Variants in FECH observed in about 807,000 individuals in gnomAD.
The protein encoded by FECH is ferrochelatase, also known as ferrochelatase, mitochondrial.
Under a neutral mutation model 56.9 loss-of-function variants are expected in FECH, and 40 were observed. The ratio of observed to expected loss-of-function variants is 0.70; its 90% CI spans 0.55 to 0.92. The LOEUF (loss-of-function observed/expected upper bound fraction) is 0.92. Ranked by LOEUF, FECH falls within the 40% of genes least tolerant of loss-of-function variation. The pLI is 0.00. For missense variants in FECH, 431 were observed against 529.1 expected (o/e 0.81, Z 1.82); for synonymous variants, 175 against 198.6 (o/e 0.88, Z 1.00).
intron 9 of FECH, among the ~76,000 whole-genome samples, chr18:57,552,315 G>A (rs973391514): frequency 2.2e-4 from 34 of 152,100 alleles, no homozygotes; most frequent in Middle Eastern, 6.8e-3. Flanking sequence ...ATTTACTCAG[G>A]TAGTTAGGAT....
chr18:57,571,242 G>A, intron 4 of FECH, 150 bp downstream of exon 4: 1 of 788,972 alleles, frequency 1.3e-6, no homozygotes, highest in Non-Finnish European at 2.1e-6. Flanking sequence ...AACGCCTGGA[G>A]ACCTAAATTA....
chr18:57,573,602 T>G (rs1005347115), intron 2 of FECH, among the ~76,000 whole-genome samples: 3 of 152,218 alleles, frequency 2.0e-5, no homozygotes, highest in Admixed American at 6.5e-5. Flanking sequence ...CAGTCTTCAC[T>G]CCGCTAGAAA....
In FECH at chr18:57,586,680, GC is replaced by G; in HGVS notation, c.-61del. 2 of 1,431,054 alleles carry G rather than the reference GC, an allele frequency of 1.4e-6. No homozygotes were observed. Among genetic ancestry groups the G allele is most frequent in the South Asian group, 2.6e-5 (2 of 76,714 alleles). The allele number at this position is 1,431,054 out of a possible 1,614,324, so 88.6% of individuals were successfully genotyped here. A position where few individuals can be genotyped will look rare whatever the true frequency, so the allele number is the denominator to read the frequency against. Reference sequence around the variant, plus strand: ...CCCGCGGCGGCGCGCCCAGGTGTCCGCCCAGCAGTGGCCGAGCCGGGTAGCG... The same window carrying G: ...CCCGCGGCGGCGCGCCCAGGTGTCCGCCAGCAGTGGCCGAGCCGGGTAGCG... On this transcript the variant is annotated 5_prime_UTR_variant, in exon 1 of 11. Coordinates refer to ENST00000262093, the MANE Select transcript of FECH (RefSeq NM_000140.5).
rs535431963 is a variant in FECH, at chr18:57,545,312, C to T, written c.*5400G>A. ...ATGGCCTACTGTAGCCTAATTTAGC[C>T]AATAGCTGTTATTCTAAAAATGGAA... On this transcript the variant is annotated 3_prime_UTR_variant, in exon 11 of 11. Coordinates refer to ENST00000262093, the MANE Select transcript of FECH (RefSeq NM_000140.5). 6.6e-6 allele frequency among the ~76,000 whole-genome samples: 1 copy of T among 152,266 alleles called. No individual in the cohort carries two copies. The highest frequency in any genetic ancestry group is 1.9e-4 in the East Asian group (1 of 5,180).
chr18:57,572,514 A>C (rs1425772148), intron 3 of FECH, among the ~76,000 whole-genome samples: 39 of 11,550 alleles, frequency 3.4e-3, no homozygotes, highest in Admixed American at 5.3e-3. Flanking sequence ...ATACGTATGT[A>C]AAAAAAAAAA....
chr18:57,573,438 C>A, intron 2 of FECH, 73 bp from the exon 3 acceptor site: 1 of 1,544,378 alleles, frequency 6.5e-7, no homozygotes, highest in Non-Finnish European at 8.9e-7. Flanking sequence ...CTTGGTTCAG[C>A]CAGCAAACTC....
Position 57,586,556 on chromosome 18 carries a change from G to T in FECH, c.65C>A (p.Pro22Gln), listed in dbSNP as rs1377509515. The T allele has an allele frequency of 3.9e-6, 6 of 1,521,876 alleles. No homozygotes were observed. The highest frequency in any genetic ancestry group is 5.3e-6 in the Non-Finnish European group (6 of 1,141,322). The allele number at this position is 1,521,876 out of a possible 1,614,324, so 94.3% of individuals were successfully genotyped here. A position where few individuals can be genotyped will look rare whatever the true frequency, so the allele number is the denominator to read the frequency against. The stretch of plus-strand genomic sequence containing the variant: ...GCCGCCGCGACAGACCCACTTACGC[G>T]GATCGCGGAGCAGGACGCCCGCGGC... ...LRAAGVLLRD[P>Q]LASSSWRVCQ... The change falls in exon 1 of 11, where the codon CCG becomes CAG. Residue 22 changes from proline to glutamine, a missense_variant and splice_region_variant. By Grantham distance (76) the Pro-to-Gln change is moderately conservative (BLOSUM62 -1). Transcript: ENST00000262093.
At position 57,545,262 on chromosome 18, in the gene FECH, GT is replaced by G. The variant is rs1192934092; in HGVS notation, c.*5449del. On this transcript the variant is annotated 3_prime_UTR_variant, in exon 11 of 11. Transcript: ENST00000262093. The stretch of plus-strand genomic sequence containing the variant: ...TCAAAGCAGGCTTTTTTCCAAAAAT[GT>G]TTTTAATTCCAACATCCATCTTAAT... 2.0e-5 allele frequency among the ~76,000 whole-genome samples: 3 copies of G among 152,154 alleles called. No individual in the cohort carries two copies. Among genetic ancestry groups the G allele is most frequent in the Non-Finnish European group, 4.4e-5 (3 of 68,010 alleles).
chr18:57,579,246 A>T (rs1234512352), intron 2 of FECH, among the ~76,000 whole-genome samples: 1 of 85,036 alleles, frequency 1.2e-5, no homozygotes, highest in East Asian at 2.0e-4. Context: ...AGACTCTCTC[A>T]AAAAAAAAAA....
At chr18:57,579,348 A>G (rs8095390) in intron 2 of FECH, among the ~76,000 whole-genome samples, 45,601 of 150,590 alleles carry the variant, frequency 0.3, 7,250 homozygotes, top group Non-Finnish European at 0.33. Flanking sequence ...TCATCAAACA[A>G]TGTGTGATCT....
chr18:57,553,240 A>G (rs891293238), intron 9 of FECH, among the ~76,000 whole-genome samples: 2 of 147,706 alleles, frequency 1.4e-5, no homozygotes, highest in African/African-American at 2.5e-5. Context: ...TTTCTTAGCC[A>G]ATTACAACTT....
At chr18:57,569,652 G>T (rs1201309185) in intron 4 of FECH, among the ~76,000 whole-genome samples, 1 of 151,944 alleles carries the variant, frequency 6.6e-6, no homozygotes, top group East Asian at 1.9e-4. Flanking sequence ...TTAACTCCTG[G>T]GCTCAAGCAA....
At chr18:57,564,424 A>C (rs2050990282) in intron 5 of FECH, among the ~76,000 whole-genome samples, 1 of 152,170 alleles carries the variant, frequency 6.6e-6, no homozygotes, top group Non-Finnish European at 1.5e-5. Context: ...AATCCTATGA[A>C]ACCAAGTCTA....
At chr18:57,585,117 C>A (rs1393915912) in intron 1 of FECH, among the ~76,000 whole-genome samples, 1 of 151,788 alleles carries the variant, frequency 6.6e-6, no homozygotes, top group East Asian at 1.9e-4. Context: ...ATATGGCCCA[C>A]CCCCGGAAGC....
chr18:57,583,399 G>A lies in FECH; in HGVS notation c.67+3155C>T, dbSNP rs866105243. Among the ~76,000 whole-genome samples the A allele has an allele frequency of 1.2e-4, 18 of 152,340 alleles. No individual in the cohort carries two copies. The Middle Eastern group carries it at 0.01, about 86-fold the overall frequency. ...CAGAAATCCCACACGGGACCAAGAGGCTGTATGGCTGGGCCTGGGCCACTC... is the reference window on the plus strand; with the variant it reads ...CAGAAATCCCACACGGGACCAAGAGACTGTATGGCTGGGCCTGGGCCACTC... On this transcript the variant is annotated intron_variant, in intron 1 of 10. Transcript: ENST00000262093.
chr18:57,569,840 T>TA (rs2051070779), intron 4 of FECH, among the ~76,000 whole-genome samples: 1 of 151,224 alleles, frequency 6.6e-6, no homozygotes, highest in African/African-American at 2.4e-5. Context: ...ATAAAACCTT[T>TA]TTTTTTTTTT....
intron 4 of FECH, 49 bp from the exon 5 acceptor site, chr18:57,566,630 A>G: frequency 6.2e-7 from 1 of 1,608,546 alleles, no homozygotes; most frequent in South Asian, 1.1e-5. Flanking sequence ...CCTTATATAG[A>G]TTCCTCAGAG....
rs61202988 is a variant in FECH, at chr18:57,580,030, G to A, written c.194+43C>T. On this transcript the variant is annotated intron_variant, in intron 2 of 10. Transcript: ENST00000262093. The stretch of plus-strand genomic sequence containing the variant: ...GCTTGTGTCTATTGGTGTCTGCATC[G>A]ATAAAGAGAAATTCTTATTTGTACC... 6,826 of 1,612,510 alleles carry A rather than the reference G, an allele frequency of 4.2e-3. 244 individuals carry two copies. The African/African-American group carries it at 0.08, about 19-fold the overall frequency.
At chr18:57,556,234 C>T (rs2050865791) in intron 7 of FECH, among the ~76,000 whole-genome samples, 1 of 152,114 alleles carries the variant, frequency 6.6e-6, no homozygotes, top group African/African-American at 2.4e-5. Flanking sequence ...ATGAAGGAAA[C>T]ACAAAGTTGC....
Sources: allele counts gnomAD v4.1 joint callset (sites outside exome capture counted in the v4.1 genomes callset), GRCh38; gene constraint gnomAD v4.1.1; transcripts MANE v1.5; gene names NCBI Gene and HGNC (gene_info 2026-07-23, HGNC 2026-07-21).